NAALADL2: variants seen among roughly 807,000 people sequenced by gnomAD.
NAALADL2 encodes inactive N-acetylated-alpha-linked acidic dipeptidase-like protein 2.
In NAALADL2, 76 loss-of-function variants were observed where a neutral mutation model predicts 87.2. The observed-to-expected ratio is 0.87, with a 90% CI of 0.72 to 1.05. NAALADL2 has a LOEUF of 1.05. Among genes scored for constraint, NAALADL2 ranks in the 50% least tolerant of loss-of-function variants. The probability of loss-of-function intolerance (pLI) is 0.00; values close to 1 mark genes in which losing one functional copy is unlikely to be tolerated. For synonymous variants in NAALADL2, 354 were observed against 331.0 expected (o/e 1.07, Z -0.75); for missense variants, 1,089 against 945.8 (o/e 1.15, Z -1.99).
chr3:175,737,338 C>A lies in NAALADL2; in HGVS notation c.1929C>A (p.Asn643Lys), dbSNP rs200674623. The part of the protein sequence containing the change: ...LSGEVILQIA[N>K]EPVLPFNALD... The stretch of plus-strand genomic sequence containing the variant: ...GAGAAGTGATTTTGCAAATTGCCAA[C>A]GAACCTGTTCTGCCCTTTAATGCAC... Residue 643 changes from asparagine to lysine, a missense_variant, in exon 12 of 14, where the codon AAC becomes AAA. Transcript: ENST00000454872. The A allele has an allele frequency of 1.2e-6, 2 of 1,611,818 alleles. No homozygotes were observed. Among genetic ancestry groups the A allele is most frequent in the South Asian group, 2.2e-5 (2 of 90,976 alleles).
intron 5 of NAALADL2, among the ~76,000 whole-genome samples, chr3:175,350,284 A>G (rs1763622990): frequency 6.6e-6 from 1 of 152,160 alleles, no homozygotes; most frequent in East Asian, 1.9e-4. Context: ...CAAACAATTT[A>G]TTCTGATAAA....
At chr3:174,672,918 CAG>C (rs374769840) in intron 2 of NAALADL2, among the ~76,000 whole-genome samples, 122,523 of 151,548 alleles carry the variant, frequency 0.81, 49,778 homozygotes, top group East Asian at 0.93. Flanking sequence ...GGCTTGTACA[CAG>C]TGGCTTGTAC....
At chr3:175,015,280 T>G (rs1353627554) in intron 1 of NAALADL2, among the ~76,000 whole-genome samples, 10 of 152,126 alleles carry the variant, frequency 6.6e-5, no homozygotes, top group African/African-American at 2.4e-4. Context: ...TTTTCCAGAT[T>G]TTTCAATTAA....
At chr3:175,123,747 A>G (rs535371591) in intron 2 of NAALADL2, among the ~76,000 whole-genome samples, 1 of 152,070 alleles carries the variant, frequency 6.6e-6, no homozygotes, top group Non-Finnish European at 1.5e-5. Context: ...GTGAAACATT[A>G]TCAAAGCCCT....
intron 9 of NAALADL2, among the ~76,000 whole-genome samples, chr3:175,481,554 A>G (rs1455852831): frequency 6.6e-6 from 1 of 151,890 alleles, no homozygotes; most frequent in Non-Finnish European, 1.5e-5. Context: ...TTTTTTATAA[A>G]GACAAACATA....
At position 174,581,168 on chromosome 3, in the gene NAALADL2, C is replaced by T. The variant is rs187510076; in HGVS notation, c.-115+30531C>T. On this transcript the variant is annotated intron_variant, in intron 2 of 3. Coordinates refer to the NAALADL2 transcript ENST00000434257. ...GAAATCAGCCAGGATTCAATCATTA[C>T]ACTGTTTTTGAGTTTATGATTTAAT... Among the ~76,000 whole-genome samples, 422 of 152,232 alleles carry T rather than the reference C, an allele frequency of 2.8e-3. 4 individuals carry two copies. Among genetic ancestry groups the T allele is most frequent in the Non-Finnish European group, 4.7e-3 (323 of 68,014 alleles).
At chr3:174,935,758 G>A (rs1049265999) in intron 1 of NAALADL2, among the ~76,000 whole-genome samples, 3 of 151,968 alleles carry the variant, frequency 2.0e-5, no homozygotes, top group African/African-American at 7.2e-5. Context: ...AAATAATATT[G>A]CAATAAAAGT....
intron 2 of NAALADL2, among the ~76,000 whole-genome samples, chr3:175,224,488 C>T (rs1214878898): frequency 6.6e-6 from 1 of 152,070 alleles, no homozygotes; most frequent in Non-Finnish European, 1.5e-5. Flanking sequence ...ATGCTTAAAC[C>T]AGAGGTTAAG....
chr3:175,420,968 C>T (rs1715591488), intron 5 of NAALADL2, among the ~76,000 whole-genome samples: 1 of 151,926 alleles, frequency 6.6e-6, no homozygotes, highest in Non-Finnish European at 1.5e-5. Flanking sequence ...ATATTCTGAT[C>T]ATACTTAGAG....
At chr3:175,437,018 G>A (rs1443731995) in intron 5 of NAALADL2, among the ~76,000 whole-genome samples, 1 of 125,404 alleles carries the variant, frequency 8.0e-6, no homozygotes, top group Non-Finnish European at 1.7e-5. Context: ...ATCTTGAATT[G>A]ATTTTTGTAT....
At chr3:175,285,708 T>C (rs1416193262) in intron 4 of NAALADL2, among the ~76,000 whole-genome samples, 2 of 152,180 alleles carry the variant, frequency 1.3e-5, no homozygotes, top group African/African-American at 2.4e-5. Context: ...TATCATATTT[T>C]ATAAACCGTG....
chr3:174,530,195 C>T (rs1016554083), intron 1 of NAALADL2, among the ~76,000 whole-genome samples: 5 of 152,164 alleles, frequency 3.3e-5, no homozygotes, highest in Non-Finnish European at 7.3e-5. Flanking sequence ...TTATCTCTCT[C>T]AAGTTCAAAG....
chr3:175,029,786 T>G (rs1438945875), intron 1 of NAALADL2, among the ~76,000 whole-genome samples: 1 of 152,050 alleles, frequency 6.6e-6, no homozygotes, highest in Non-Finnish European at 1.5e-5. Context: ...AAAATTATCC[T>G]CCAGGAAAAT....
intron 11 of NAALADL2, among the ~76,000 whole-genome samples, chr3:175,664,100 T>C (rs1050867348): frequency 3.3e-5 from 5 of 152,052 alleles, no homozygotes; most frequent in African/African-American, 1.2e-4. Context: ...ATTTTTCCAA[T>C]CTTAAGACTG....
At chr3:174,466,328 T>A (rs140524037) in intron 1 of NAALADL2, among the ~76,000 whole-genome samples, 1 of 146,718 alleles carries the variant, frequency 6.8e-6, no homozygotes, top group Admixed American at 7.1e-5. Context: ...GTATTTTATG[T>A]GTGGCCCAAG....
intron 3 of NAALADL2, among the ~76,000 whole-genome samples, chr3:174,770,637 G>A (rs1208801515): frequency 2.0e-5 from 3 of 151,960 alleles, no homozygotes; most frequent in African/African-American, 7.3e-5. Context: ...TCAGGAGATC[G>A]AGACCATCCT....
At chr3:174,726,930 A>G (rs535037010) in intron 2 of NAALADL2, among the ~76,000 whole-genome samples, 2 of 151,966 alleles carry the variant, frequency 1.3e-5, no homozygotes, top group Non-Finnish European at 2.9e-5. Context: ...CTGATTCACA[A>G]CTTAGGCAGA....
At chr3:175,101,937 A>G (rs1048638638) in intron 2 of NAALADL2, among the ~76,000 whole-genome samples, 18 of 141,078 alleles carry the variant, frequency 1.3e-4, no homozygotes, top group African/African-American at 5.1e-4. Context: ...AATAAAGTAA[A>G]AACCATCCAT....
At chr3:175,317,237 T>G (rs1396586468) in intron 4 of NAALADL2, among the ~76,000 whole-genome samples, 1 of 152,096 alleles carries the variant, frequency 6.6e-6, no homozygotes, top group Non-Finnish European at 1.5e-5. Context: ...TTGACTTAGC[T>G]CTAAAACACT....
Sources: allele counts gnomAD v4.1 joint callset (sites outside exome capture counted in the v4.1 genomes callset), GRCh38; gene constraint gnomAD v4.1.1; transcripts MANE v1.5; gene names NCBI Gene and HGNC (gene_info 2026-07-23, HGNC 2026-07-21).